MDN1: variants seen among roughly 807,000 people sequenced by gnomAD.
MDN1 encodes midasin.
MDN1 carries 266 observed loss-of-function variants against 669.2 expected under a neutral mutation model. The observed-to-expected ratio is 0.40, with a 90% CI of 0.36 to 0.44. The LOEUF (loss-of-function observed/expected upper bound fraction) is 0.44. MDN1 is among the 20% of genes least tolerant of loss of function. The probability of loss-of-function intolerance (pLI) is 1.00; values close to 1 mark genes in which losing one functional copy is unlikely to be tolerated. For missense variants in MDN1, 5,940 were observed against 6,754.0 expected (o/e 0.88, Z 4.22); for synonymous variants, 2,385 against 2,457.1 (o/e 0.97, Z 0.87).
intron 2 of MDN1, among the ~76,000 whole-genome samples, chr6:89,796,523 TA>T (rs1819619739): frequency 6.6e-6 from 1 of 151,830 alleles, no homozygotes; most frequent in East Asian, 1.9e-4. Flanking sequence ...TACCAAACAT[TA>T]AAAGAAGAAT....
rs769909838 is a variant in MDN1 at position 89,650,175 on chromosome 6, C to T, written c.16055G>A (p.Arg5352Gln). The change falls in exon 97 of 102, where the codon CGA (arginine) becomes CAA (glutamine). Residue 5352 changes from arginine (R) to glutamine (Q), a missense_variant. This residue lies in a region of MDN1 where 2,280 missense variants were observed against 2,576.3 expected (regional missense o/e 0.88). Transcript: ENST00000369393. ...TGGAATGACTTTCCGTATGTTTAGT[C>T]GTTTCCCAGTTCGATAGTCTCCTCT... is the stretch of plus-strand genomic sequence containing the variant. ...KLKGDYRTGK[R>Q]LNIRKVIPYI... 2.6e-5 allele frequency: 42 copies of T among 1,613,908 alleles called. No individual in the cohort carries two copies. Among genetic ancestry groups the T allele is most frequent in the Non-Finnish European group, 3.2e-5 (38 of 1,180,002 alleles).
rs532132794 is a variant in MDN1, at chr6:89,749,484, C to T, written c.3615+59G>A. On this transcript the variant is annotated intron_variant, in intron 25 of 101. Transcript: ENST00000369393. ...AAGTAAAAACATTTCATTCTTACTACGAAAAATCTACTATCTGATGTGTTA... is the reference window on the plus strand; with the variant it reads ...AAGTAAAAACATTTCATTCTTACTATGAAAAATCTACTATCTGATGTGTTA... 1.5e-5 allele frequency: 24 copies of T among 1,594,848 alleles called. No homozygotes were observed. The East Asian group carries it at 1.8e-4, about 12-fold the overall frequency.
intron 10 of MDN1, among the ~76,000 whole-genome samples, chr6:89,780,572 C>T (rs145370506): frequency 6.6e-6 from 1 of 152,004 alleles, no homozygotes; most frequent in Non-Finnish European, 1.5e-5. Context: ...TCTCTGCCAT[C>T]CATGCCAGAC....
chr6:89,676,909 C>T (rs1811230589), intron 76 of MDN1, among the ~76,000 whole-genome samples: 1 of 149,908 alleles, frequency 6.7e-6, no homozygotes, highest in Non-Finnish European at 1.5e-5. Flanking sequence ...CATATTAGAA[C>T]TTATGAGGAG....
At chr6:89,670,784 T>A in intron 83 of MDN1, 135 bp downstream of exon 83, 6 of 1,042,288 alleles carry the variant, frequency 5.8e-6, no homozygotes, top group Non-Finnish European at 8.2e-6. Context: ...AAGCCCTAAA[T>A]AATCCACAGG....
intron 1 of MDN1, among the ~76,000 whole-genome samples, chr6:89,814,126 G>A (rs1218540524): frequency 2.6e-5 from 4 of 152,036 alleles, no homozygotes; most frequent in East Asian, 3.9e-4. Context: ...CCAACTGAAT[G>A]AAGGTGAATC....
chr6:89,721,388 G>A (rs914850234), intron 40 of MDN1, among the ~76,000 whole-genome samples: 1 of 152,166 alleles, frequency 6.6e-6, no homozygotes, highest in African/African-American at 2.4e-5. Context: ...CCAGCTTAAC[G>A]GTTCTGCTCC....
intron 12 of MDN1, among the ~76,000 whole-genome samples, 186 bp downstream of exon 12, chr6:89,776,414 T>C (rs1010198649): frequency 2.0e-5 from 3 of 152,166 alleles, no homozygotes; most frequent in Non-Finnish European, 4.4e-5. Flanking sequence ...TGAGCCGAGA[T>C]GGCGCCATTG....
chr6:89,650,591 G>A (rs1808780707), intron 96 of MDN1, 141 bp downstream of exon 96: 1 of 643,758 alleles, frequency 1.6e-6, no homozygotes, highest in Non-Finnish European at 2.7e-6. Flanking sequence ...ACAGGGTAAG[G>A]AACAGCATAC....
chr6:89,754,062 T>G (rs935862050), intron 21 of MDN1, 21 bp downstream of exon 21: 8 of 1,610,648 alleles, frequency 5.0e-6, no homozygotes, highest in Middle Eastern at 1.7e-4. Context: ...TCATATCCAG[T>G]CAAAGAGACT....
In MDN1 at chr6:89,712,801, A is replaced by G. The variant is rs375005638; in HGVS notation, c.7219-15T>C. 5.7e-5 allele frequency: 92 copies of G among 1,608,426 alleles called. No individual in the cohort carries two copies. The African/African-American group carries it at 1.1e-3, about 20-fold the overall frequency. On this transcript the variant is annotated splice_polypyrimidine_tract_variant and intron_variant, in intron 47 of 101. Coordinates refer to ENST00000369393, the MANE Select transcript of MDN1 (RefSeq NM_014611.3). ...GCCTGTACAAGCTGGTAGGAGACAA[A>G]AACACAATACAGTGGTACCAACATA... is the stretch of plus-strand genomic sequence containing the variant.
rs1258504690 is a variant in MDN1 at position 89,687,165 on chromosome 6, T to C, written c.11451-142A>G. The C allele has an allele frequency of 1.1e-5, 15 of 1,314,698 alleles. No individual in the cohort carries two copies. The Admixed American group carries it at 1.8e-4, about 15-fold the overall frequency. 81.4% of individuals were successfully genotyped at this position (1,314,698 alleles called of 1,614,324 possible). Reference sequence around the variant, plus strand: ...CACCCAGTTTCCTCCCTCAAGAATATATGCTGTTGTCTGGACTGTATTCAG... The same window carrying C: ...CACCCAGTTTCCTCCCTCAAGAATACATGCTGTTGTCTGGACTGTATTCAG... On this transcript the variant is annotated intron_variant, in intron 68 of 101. Transcript: ENST00000369393.
chr6:89,650,624 G>C lies in MDN1; in HGVS notation c.16031+108C>G, dbSNP rs2128298312. On this transcript the variant is annotated intron_variant, in intron 96 of 101. Coordinates refer to ENST00000369393, the MANE Select transcript of MDN1 (RefSeq NM_014611.3). ...TACTGGTGCCTGTACGGCACAAGCG[G>C]CAGCCTAGAAGCTGGCACTATAAAT... is the stretch of plus-strand genomic sequence containing the variant. 4 of 807,574 alleles carry C rather than the reference G, an allele frequency of 5.0e-6. No individual in the cohort carries two copies. The South Asian group carries it at 6.7e-5, about 14-fold the overall frequency. 50.0% of individuals were successfully genotyped at this position (807,574 alleles called of 1,614,324 possible).
chr6:89,728,855 G>A, intron 36 of MDN1, 76 bp downstream of exon 36: 3 of 1,424,194 alleles, frequency 2.1e-6, no homozygotes, highest in Admixed American at 1.9e-5. Flanking sequence ...AATCATTTCT[G>A]ATTAGGCAAA....
intron 1 of MDN1, among the ~76,000 whole-genome samples, chr6:89,805,498 T>G (rs988904651): frequency 2.0e-5 from 3 of 152,124 alleles, no homozygotes; most frequent in Admixed American, 6.6e-5. Context: ...GCTGAGATCA[T>G]GCCACTGCAC....
At position 89,673,410 on chromosome 6, in the gene MDN1, C is replaced by A. The variant is rs1441589455; in HGVS notation, c.13300G>T (p.Val4434Phe). 13 of 1,614,072 alleles carry A rather than the reference C, an allele frequency of 8.1e-6. No individual in the cohort carries two copies. The highest frequency in any genetic ancestry group is 1.0e-5 in the Non-Finnish European group (12 of 1,180,042). ...SALSCLSQVS[V>F]HLQGLESLFI... is the part of the protein sequence containing the mutation. ...AAGGACTCTAGGCCCTGCAAATGAA[C>A]TGACACCTGGGACAAGCAACTCAGC... Residue 4434 changes from valine (V) to phenylalanine (F), a missense_variant, in exon 80 of 102, where the codon GTT becomes TTT. Val to Phe is a conservative substitution (Grantham distance 50). This residue lies in a region of MDN1 where 2,280 missense variants were observed against 2,576.3 expected (regional missense o/e 0.88). Coordinates refer to ENST00000369393, the MANE Select transcript of MDN1 (RefSeq NM_014611.3).
chr6:89,703,252 T>TTA (rs1366856788), intron 53 of MDN1, among the ~76,000 whole-genome samples: 1 of 151,734 alleles, frequency 6.6e-6, no homozygotes. Context: ...TCATTTTACT[T>TTA]TATATAAACA....
At position 89,725,369 on chromosome 6, in the gene MDN1, C is replaced by T; in HGVS notation, c.5500G>A (p.Glu1834Lys). 1 of 1,613,804 alleles carries T rather than the reference C, an allele frequency of 6.2e-7. No individual in the cohort carries two copies. Among genetic ancestry groups the T allele is most frequent in the Non-Finnish European group, 8.5e-7 (1 of 1,179,822 alleles). The stretch of plus-strand genomic sequence containing the variant: ...TGGTCAAAACAAGCATTGAGTCCTT[C>T]CAATACAGACTGAGAAGCCAGGTTA... ...ELNLASQSVL[E>K]GLNACFDHRG... The change falls in exon 38 of 102, where the codon GAA (glutamate) becomes AAA (lysine). Residue 1834 changes from glutamate to lysine, a missense_variant. Coordinates refer to ENST00000369393, the MANE Select transcript of MDN1 (RefSeq NM_014611.3).
At chr6:89,648,813 CAAAAAA>C (rs61330666) in intron 97 of MDN1, among the ~76,000 whole-genome samples, 1 of 122,130 alleles carries the variant, frequency 8.2e-6, no homozygotes, top group Non-Finnish European at 1.7e-5. Context: ...ACCCTGTCTT[CAAAAAA>C]AAAAAAAAAA....
Sources: allele counts gnomAD v4.1 joint callset (sites outside exome capture counted in the v4.1 genomes callset), GRCh38; gene constraint gnomAD v4.1.1; regional missense constraint gnomAD v4.1.1; transcripts MANE v1.5; gene names NCBI Gene and HGNC (gene_info 2026-07-23, HGNC 2026-07-21).